SLC8A1: variants seen among roughly 807,000 people sequenced by gnomAD.
The protein encoded by SLC8A1 is solute carrier family 8 member A1.
SLC8A1 carries 18 observed loss-of-function variants against 68.3 expected under a neutral mutation model. The observed-to-expected ratio is 0.26, with a 90% CI of 0.18 to 0.39. The LOEUF (loss-of-function observed/expected upper bound fraction) is 0.39, where lower values mean the gene tolerates loss of function less well. Among genes scored for constraint, SLC8A1 ranks in the 10% least tolerant of loss-of-function variants. SLC8A1 has a pLI of 1.00. For synonymous variants in SLC8A1, 475 were observed against 415.5 expected, an observed-to-expected ratio of 1.14 and a Z score of -1.74; for missense variants, 985 against 1,156.7, an observed-to-expected ratio of 0.85 and a Z score of 2.15.
intron 2 of SLC8A1, among the ~76,000 whole-genome samples, chr2:40,396,715 A>C (rs935704082): frequency 6.9e-6 from 1 of 144,514 alleles, no homozygotes; most frequent in Non-Finnish European, 1.5e-5. Flanking sequence ...TTTGTTAAGC[A>C]GCATCCTTTT....
chr2:40,211,851 T>G (rs190685575), intron 2 of SLC8A1, among the ~76,000 whole-genome samples: 7 of 152,182 alleles, frequency 4.6e-5, no homozygotes. Flanking sequence ...AGCAAAATAA[T>G]TTTTCTGAAG....
intron 2 of SLC8A1, among the ~76,000 whole-genome samples, chr2:40,417,293 A>T (rs909704335): frequency 2.6e-5 from 4 of 151,830 alleles, no homozygotes; most frequent in Middle Eastern, 3.2e-3. Context: ...CCAAATAGAT[A>T]TTTTTTTTCT....
chr2:40,397,743 G>T (rs1687440653), intron 2 of SLC8A1, among the ~76,000 whole-genome samples: 1 of 152,144 alleles, frequency 6.6e-6, no homozygotes, highest in South Asian at 2.1e-4. Context: ...ACCACTCTGA[G>T]AATCAATAGA....
exon 8 of SLC8A1, chr2:40,107,452 C>T (rs1472365734): frequency 6.6e-6 from 1 of 151,816 alleles, no homozygotes; most frequent in Admixed American, 6.6e-5. Context: ...TCCCAAAAGG[C>T]AGAGGGCAAT....
chr2:40,266,674 T>G (rs1239486544), intron 2 of SLC8A1, among the ~76,000 whole-genome samples: 1 of 152,218 alleles, frequency 6.6e-6, no homozygotes, highest in African/African-American at 2.4e-5. Context: ...ACCACTCATA[T>G]GCACATTGTG....
At chr2:40,501,132 AC>A (rs1323949757) in intron 1 of SLC8A1, among the ~76,000 whole-genome samples, 20 of 151,744 alleles carry the variant, frequency 1.3e-4, no homozygotes, top group African/African-American at 4.1e-4. Flanking sequence ...TATTCACATG[AC>A]TTGTTTCCTT....
At chr2:40,325,279 T>G (rs1006255366) in intron 2 of SLC8A1, among the ~76,000 whole-genome samples, 3 of 152,160 alleles carry the variant, frequency 2.0e-5, no homozygotes, top group African/African-American at 7.2e-5. Flanking sequence ...TGAAAATACT[T>G]GACCTTTTGA....
At chr2:40,473,101 G>GT (rs1047729102) in intron 1 of SLC8A1, among the ~76,000 whole-genome samples, 1 of 152,058 alleles carries the variant, frequency 6.6e-6, no homozygotes, top group Non-Finnish European at 1.5e-5. Flanking sequence ...ATTCTACTCT[G>GT]TTTCCCGAGT....
rs562910809 is a variant in SLC8A1, at chr2:40,270,665, T to G, written c.1809-92810A>C. Among the ~76,000 whole-genome samples, 3 of 152,342 alleles carry G rather than the reference T, an allele frequency of 2.0e-5. No homozygotes were observed. The South Asian group carries it at 6.2e-4, about 32-fold the overall frequency. ...CACTGAAAAATCCAGAACAATCTCC[T>G]CATCTCAAGGACTTAATCACACCTT... is the stretch of plus-strand genomic sequence containing the variant. On this transcript the variant is annotated intron_variant, in intron 2 of 7. Transcript: ENST00000406785.
intron 2 of SLC8A1, among the ~76,000 whole-genome samples, chr2:40,215,975 T>C (rs1000466293): frequency 6.6e-6 from 1 of 151,106 alleles, no homozygotes; most frequent in Non-Finnish European, 1.5e-5. Context: ...TGCCAATGGG[T>C]GATCATGGGT....
chr2:40,400,784 G>T (rs1379648589), intron 2 of SLC8A1, among the ~76,000 whole-genome samples: 3 of 152,206 alleles, frequency 2.0e-5, no homozygotes, highest in Non-Finnish European at 2.9e-5. Context: ...TTTTGGTGAT[G>T]ATGTCAGAAT....
At chr2:40,302,599 GAT>G (rs61409801) in intron 2 of SLC8A1, among the ~76,000 whole-genome samples, 6,488 of 147,740 alleles carry the variant, frequency 0.044, 448 homozygotes, top group African/African-American at 0.15. Context: ...ACATATGTAT[GAT>G]ATATATATAT....
chr2:40,391,174 C>T (rs1022961982), intron 2 of SLC8A1, among the ~76,000 whole-genome samples: 16 of 149,206 alleles, frequency 1.1e-4, no homozygotes, highest in Non-Finnish European at 1.5e-4. Flanking sequence ...TATGTAGATG[C>T]GTGTGTGTAT....
At chr2:40,183,236 A>G (rs944553584) in intron 2 of SLC8A1, among the ~76,000 whole-genome samples, 9 of 152,190 alleles carry the variant, frequency 5.9e-5, no homozygotes, top group Non-Finnish European at 1.2e-4. Context: ...CATATGACTC[A>G]AAATTAGCCA....
intron 2 of SLC8A1, among the ~76,000 whole-genome samples, chr2:40,399,523 C>T (rs185924780): frequency 1.2e-3 from 179 of 152,260 alleles, no homozygotes; most frequent in Non-Finnish European, 1.8e-3. Context: ...ATGGTCTCGT[C>T]TCTAGAGGTC....
chr2:40,163,408 C>A (rs1299133432), intron 5 of SLC8A1, among the ~76,000 whole-genome samples: 1 of 152,130 alleles, frequency 6.6e-6, no homozygotes, highest in Non-Finnish European at 1.5e-5. Flanking sequence ...TCAGGAATAC[C>A]AACCCATAGA....
chr2:40,444,520 C>T (rs183026813), intron 1 of SLC8A1, among the ~76,000 whole-genome samples: 4 of 152,214 alleles, frequency 2.6e-5, no homozygotes, highest in Admixed American at 2.6e-4. Flanking sequence ...ACACCAACAC[C>T]AATTGCTAGG....
intron 2 of SLC8A1, among the ~76,000 whole-genome samples, chr2:40,400,832 G>T (rs1688509327): frequency 6.6e-6 from 1 of 152,126 alleles, no homozygotes; most frequent in African/African-American, 2.4e-5. Context: ...TCTGCCAACT[G>T]GCATAGGGAG....
intron 2 of SLC8A1, among the ~76,000 whole-genome samples, chr2:40,192,738 CTTTTT>C (rs932843081): frequency 6.6e-6 from 1 of 152,012 alleles, no homozygotes; most frequent in Non-Finnish European, 1.5e-5. Flanking sequence ...GTCCTGAATA[CTTTTT>C]TTTATTGAGT....
Sources: allele counts gnomAD v4.1 joint callset (sites outside exome capture counted in the v4.1 genomes callset), GRCh38; gene constraint gnomAD v4.1.1; transcripts MANE v1.5; gene names NCBI Gene and HGNC (gene_info 2026-07-23, HGNC 2026-07-21).